Variants in PISD observed in about 807,000 individuals in gnomAD.
PISD encodes the protein phosphatidylserine decarboxylase proenzyme, mitochondrial.
A neutral mutation model predicts 43.5 loss-of-function variants in PISD; 31 were observed. The ratio of observed to expected loss-of-function variants is 0.71; its 90% CI spans 0.54 to 0.96. The LOEUF is 0.96. PISD is among the 40% of genes least tolerant of loss of function. PISD has a pLI of 0.00. For missense variants in PISD, 523 were observed against 548.4 expected (o/e 0.95, Z 0.46); for synonymous variants, 259 against 228.7 (o/e 1.13, Z -1.20).
chr22:31,633,070 T>C (rs2073275659), intron 3 of PISD, among the ~76,000 whole-genome samples: 1 of 152,120 alleles, frequency 6.6e-6, no homozygotes, highest in Non-Finnish European at 1.5e-5. Flanking sequence ...ACACATGACA[T>C]GGGATAAAAT....
At chr22:31,621,580 C>A in intron 4 of PISD, 69 bp downstream of exon 4, 1 of 1,593,642 alleles carries the variant, frequency 6.3e-7, no homozygotes, top group Non-Finnish European at 8.6e-7. Flanking sequence ...ACGCTGGAGA[C>A]CAGGGGGGCT....
chr22:31,625,691 G>T, intron 3 of PISD: 1 of 1,538,354 alleles, frequency 6.5e-7, no homozygotes, highest in Non-Finnish European at 8.8e-7. Context: ...GAGGCCGCTG[G>T]ATGTGAACTC....
intron 3 of PISD, among the ~76,000 whole-genome samples, chr22:31,622,177 C>G (rs570046089): frequency 6.6e-6 from 1 of 152,360 alleles, no homozygotes; most frequent in Admixed American, 6.5e-5. Flanking sequence ...GCCCAGCAGT[C>G]TTACTTCTTA....
rs2073933742 is a variant in PISD, at chr22:31,648,167, C to T, written c.255G>A (p.Lys85=). ...GGYAGYRQYE[K]YRERELEKLG... is the part of the protein sequence containing the mutation. ...GCTTCTCCAGCTCTCGCTCCCTGTACTTCTCATACTGCCGGTACCCTGCAT... is the reference window on the plus strand; with the variant it reads ...GCTTCTCCAGCTCTCGCTCCCTGTATTTCTCATACTGCCGGTACCCTGCAT... The change falls in exon 3 of 8, where the codon AAG becomes AAA. Residue 85 remains lysine (K), a synonymous_variant. Coordinates refer to ENST00000439502, the MANE Select transcript of PISD (RefSeq NM_001326411.2). 1 of 1,612,632 alleles carries T rather than the reference C, an allele frequency of 6.2e-7. No homozygotes were observed. The highest frequency in any genetic ancestry group is 1.7e-5 in the Admixed American group (1 of 59,996).
chr22:31,620,144 C>T (rs2072438138), intron 7 of PISD, among the ~76,000 whole-genome samples: 1 of 152,236 alleles, frequency 6.6e-6, no homozygotes, highest in Non-Finnish European at 1.5e-5. Flanking sequence ...CACAAACTGA[C>T]ACCCAAAAAG....
chr22:31,647,729 GT>G (rs78827638), intron 3 of PISD, among the ~76,000 whole-genome samples: 1,933 of 152,292 alleles, frequency 0.013, 97 homozygotes, highest in Admixed American at 0.078. Flanking sequence ...GATTATTTCT[GT>G]CTGGTTCCTG....
intron 3 of PISD, among the ~76,000 whole-genome samples, chr22:31,637,531 G>A (rs761769146): frequency 5.9e-5 from 9 of 151,900 alleles, no homozygotes; most frequent in Non-Finnish European, 1.2e-4. Flanking sequence ...ACCAGCTCGC[G>A]GCAGCCACAG....
At chr22:31,653,150 T>C (rs1308998648) in intron 1 of PISD, among the ~76,000 whole-genome samples, 1 of 151,592 alleles carries the variant, frequency 6.6e-6, no homozygotes, top group Non-Finnish European at 1.5e-5. Flanking sequence ...CATCTTACCA[T>C]GACGAGCACC....
At chr22:31,623,535 C>T in intron 3 of PISD, 1 of 806,484 alleles carries the variant, frequency 1.2e-6, no homozygotes, top group Non-Finnish European at 1.9e-6. Context: ...TGGCCTTGCC[C>T]ACCAATGAAC....
In PISD at chr22:31,625,803, A is replaced by T. The variant is rs1474969436; in HGVS notation, c.322-3918T>A. On this transcript the variant is annotated intron_variant, in intron 3 of 7. Transcript: ENST00000439502. ...AGCTCTGGTCCTTGCCGCGCCTCTG[A>T]CTGACACATCATGGGCCGGCGCAGG... is the stretch of plus-strand genomic sequence containing the variant. The T allele has an allele frequency of 6.2e-7, 1 of 1,601,056 alleles. No homozygotes were observed. Among genetic ancestry groups the T allele is most frequent in the Non-Finnish European group, 8.5e-7 (1 of 1,174,232 alleles).
intron 3 of PISD, among the ~76,000 whole-genome samples, chr22:31,633,985 G>C (rs1231492609): frequency 6.6e-6 from 1 of 152,128 alleles, no homozygotes. Context: ...GACTCCCTTG[G>C]GTGGGAGTGC....
At position 31,619,474 on chromosome 22, in the gene PISD, A is replaced by G. The variant is rs1238920149; in HGVS notation, c.*138T>C. 3 of 717,676 alleles carry G rather than the reference A, an allele frequency of 4.2e-6. No homozygotes were observed. Among genetic ancestry groups the G allele is most frequent in the Non-Finnish European group, 7.6e-6 (3 of 394,798 alleles). The allele number at this position is 717,676 out of a possible 1,614,324, so 44.5% of individuals were successfully genotyped here. ...CTCTGGAACAGGTGGTAGCCGAATC[A>G]TTCAAGTCCTACCTGGTCAGACTCC... On this transcript the variant is annotated 3_prime_UTR_variant, in exon 8 of 8. Coordinates refer to ENST00000439502, the MANE Select transcript of PISD (RefSeq NM_001326411.2).
intron 1 of PISD, among the ~76,000 whole-genome samples, chr22:31,658,719 G>A (rs141501344): frequency 6.6e-6 from 1 of 152,104 alleles, no homozygotes; most frequent in East Asian, 1.9e-4. Context: ...TTTTTGCGGA[G>A]AGGAGGTCTC....
chr22:31,629,377 G>GGT (rs1569484312), intron 3 of PISD: 3 of 190,636 alleles, frequency 1.6e-5, no homozygotes, highest in Non-Finnish European at 2.8e-5. Flanking sequence ...GGGGTGTGTA[G>GGT]GTGTGAGTGT....
rs928841068 is a variant in PISD, at chr22:31,620,481, G to A, written c.1005+72C>T. On this transcript the variant is annotated intron_variant, in intron 7 of 7. Coordinates refer to ENST00000439502, the MANE Select transcript of PISD (RefSeq NM_001326411.2). The stretch of plus-strand genomic sequence containing the variant: ...AGAATTCAGTCCCAACGCATCCGCC[G>A]CACAGCAGACAAGGCAGGTAGACCC... 4.9e-5 allele frequency: 72 copies of A among 1,480,122 alleles called. 1 individual carries two copies. The African/African-American group carries it at 5.4e-4, about 11-fold the overall frequency. The allele number at this position is 1,480,122 out of a possible 1,614,324, so 91.7% of individuals were successfully genotyped here.
At chr22:31,629,416 G>A (rs1195783718) in intron 3 of PISD, 1 of 157,142 alleles carries the variant, frequency 6.4e-6, no homozygotes. Context: ...GTGTGCGTAG[G>A]TGTGAGGTTA....
At chr22:31,639,971 C>T (rs955515591) in intron 3 of PISD, among the ~76,000 whole-genome samples, 1 of 152,184 alleles carries the variant, frequency 6.6e-6, no homozygotes, top group Admixed American at 6.6e-5. Context: ...AGTCCCTGAG[C>T]TCCTGCCTTC....
intron 3 of PISD, among the ~76,000 whole-genome samples, chr22:31,640,878 G>GTGTTTTTTTTTT (rs2073688210): frequency 1.1e-4 from 3 of 27,188 alleles, no homozygotes; most frequent in Admixed American, 5.2e-4. Context: ...ACCACACCCG[G>GTGTTTTTTTTTT]TGTTTTTTTT....
intron 3 of PISD, among the ~76,000 whole-genome samples, chr22:31,626,894 C>G (rs559126989): frequency 1.3e-5 from 2 of 152,364 alleles, no homozygotes; most frequent in Middle Eastern, 3.4e-3. Flanking sequence ...CAGGAAGGGG[C>G]AGGCACCTGT....
Sources: gnomAD v4.1 joint callset for allele counts (sites outside exome capture counted in the v4.1 genomes callset) on GRCh38, gnomAD v4.1.1 for gene constraint, MANE v1.5 for transcripts, NCBI Gene and HGNC (gene_info 2026-07-23, HGNC 2026-07-21) for gene names.